CCND2: variants seen among roughly 807,000 people sequenced by gnomAD.
CCND2 encodes G1/S-specific cyclin-D2.
CCND2 carries 6 observed loss-of-function variants against 30.2 expected under a neutral mutation model. The ratio of observed to expected loss-of-function variants is 0.20; its 90% CI spans 0.11 to 0.39. The LOEUF (loss-of-function observed/expected upper bound fraction) is 0.39. Ranked by LOEUF, CCND2 falls within the 10% of genes least tolerant of loss-of-function variation. CCND2 has a pLI of 1.00. For synonymous variants in CCND2, 150 were observed against 153.1 expected (o/e 0.98, Z 0.15); for missense variants, 235 against 373.4 (o/e 0.63, Z 3.06).
At position 4,288,977 on chromosome 12, in the gene CCND2, C is replaced by A; in HGVS notation, c.707C>A (p.Thr236Asn). 6.2e-7 allele frequency: 1 copy of A among 1,612,528 alleles called. No individual in the cohort carries two copies. Among genetic ancestry groups the A allele is most frequent in the Non-Finnish European group, 8.5e-7 (1 of 1,179,180 alleles). ...DALTELLAKI[T>N]NTDVDCLKAC... ...CTGACTGAGCTGCTGGCTAAGATCA[C>A]CAACACAGACGTGGTAGGTGGCCAC... Residue 236 changes from threonine to asparagine, a missense_variant, in exon 4 of 5, where the codon ACC becomes AAC. By Grantham distance (65) the Thr-to-Asn change is moderately conservative (BLOSUM62 0). Coordinates refer to ENST00000261254, the MANE Select transcript of CCND2 (RefSeq NM_001759.4).
At position 4,300,025 on chromosome 12, in the gene CCND2, C is replaced by T. The variant is rs745670137; in HGVS notation, c.*16C>T. The T allele has an allele frequency of 4.0e-5, 65 of 1,609,866 alleles. No homozygotes were observed. The highest frequency in any genetic ancestry group is 6.7e-5 in the African/African-American group (5 of 74,762). On this transcript the variant is annotated 3_prime_UTR_variant, in exon 5 of 5. Transcript: ENST00000261254. ...CGACCTGTGAGGATGCCAGTTGGGC[C>T]GAAAGAGAGAGACGCGTCCATAATC... is the stretch of plus-strand genomic sequence containing the variant.
intron 3 of CCND2, among the ~76,000 whole-genome samples, chr12:4,286,224 GAAC>G (rs1864020842): frequency 6.6e-6 from 1 of 152,188 alleles, no homozygotes. Context: ...GGTTAAAGGA[GAAC>G]AACAACAGAA....
Position 4,285,733 on chromosome 12 carries a change from T to C in CCND2, c.572-3109T>C, listed in dbSNP as rs1435067432. Among the ~76,000 whole-genome samples the C allele has an allele frequency of 4.6e-5, 7 of 152,044 alleles. No individual in the cohort carries two copies. Among genetic ancestry groups the C allele is most frequent in the African/African-American group, 7.2e-5 (3 of 41,382 alleles). On this transcript the variant is annotated intron_variant, in intron 3 of 4. Transcript: ENST00000261254. The surrounding 1 kb of genome is among the most constrained non-coding windows in gnomAD (Gnocchi z 4.1). Reference sequence around the variant, plus strand: ...AGGTGGAGCTTTCCACAGTTGAGGGTGGGGGTTGGCTAATTACAGCTAGGA... The same window carrying C: ...AGGTGGAGCTTTCCACAGTTGAGGGCGGGGGTTGGCTAATTACAGCTAGGA...
chr12:4,297,570 CAAAAAA>C (rs71061177), intron 4 of CCND2, among the ~76,000 whole-genome samples: 3 of 74,786 alleles, frequency 4.0e-5, no homozygotes, highest in African/African-American at 6.2e-5. Context: ...CACTCTGTCT[CAAAAAA>C]AAAAAAAAAA....
At position 4,304,484 on chromosome 12, in the gene CCND2, G is replaced by A. The variant is rs1864290449; in HGVS notation, c.*4475G>A. On this transcript the variant is annotated 3_prime_UTR_variant, in exon 5 of 5. Coordinates refer to ENST00000261254, the MANE Select transcript of CCND2 (RefSeq NM_001759.4). The surrounding 1 kb of genome is among the most constrained non-coding windows in gnomAD (Gnocchi z 6.2). ...CAGCCATCCATTTGTGCAAAATAGG[G>A]TAAGAAGATTCAAGAGGATATTTAT... The A allele has an allele frequency of 4.3e-6, 1 of 233,522 alleles. No individual in the cohort carries two copies. Among genetic ancestry groups the A allele is most frequent in the South Asian group, 1.8e-4 (1 of 5,530 alleles). The allele number at this position is 233,522 out of a possible 1,614,324, so 14.5% of individuals were successfully genotyped here.
rs1423060706 is a variant in CCND2 at position 4,293,254 on chromosome 12, C to G, written c.720+4264C>G. On this transcript the variant is annotated intron_variant, in intron 4 of 4. Coordinates refer to ENST00000261254, the MANE Select transcript of CCND2 (RefSeq NM_001759.4). The surrounding 1 kb of genome is among the most constrained non-coding windows in gnomAD (Gnocchi z 4.9). The stretch of plus-strand genomic sequence containing the variant: ...TGACACAGTTGCACAAATTCACTAA[C>G]TAAAAAATGGAATGGAGGCTCACAG... Among the ~76,000 whole-genome samples the G allele has an allele frequency of 2.0e-5, 3 of 152,140 alleles. No individual in the cohort carries two copies. Among genetic ancestry groups the G allele is most frequent in the Non-Finnish European group, 2.9e-5 (2 of 68,042 alleles).
chr12:4,297,487 C>T (rs1216406820), intron 4 of CCND2, among the ~76,000 whole-genome samples: 1 of 140,212 alleles, frequency 7.1e-6, no homozygotes, highest in African/African-American at 2.6e-5. Context: ...AGGAGAATTG[C>T]TTGAACCCGA....
rs75618424 is a variant in CCND2 at position 4,279,811 on chromosome 12, A to G, written c.571+892A>G. ...GATGTCAGGAGTTCATGTTTTGACAATCAGAAACCTTAGGTAAAAAGCTGA... is the reference window on the plus strand; with the variant it reads ...GATGTCAGGAGTTCATGTTTTGACAGTCAGAAACCTTAGGTAAAAAGCTGA... On this transcript the variant is annotated intron_variant, in intron 3 of 4. Coordinates refer to ENST00000261254, the MANE Select transcript of CCND2 (RefSeq NM_001759.4). Among the ~76,000 whole-genome samples, 203 of 151,346 alleles carry G rather than the reference A, an allele frequency of 1.3e-3. 2 individuals are homozygous for G. The highest frequency in any genetic ancestry group is 4.7e-3 in the African/African-American group (196 of 41,416).
chr12:4,281,298 G>T (rs1306348338), intron 3 of CCND2, among the ~76,000 whole-genome samples: 3 of 152,178 alleles, frequency 2.0e-5, no homozygotes, highest in Non-Finnish European at 4.4e-5. Flanking sequence ...ATAGAATCCT[G>T]GCTGCGTGGA....
At position 4,278,860 on chromosome 12, in the gene CCND2, G is replaced by A. The variant is rs367874736; in HGVS notation, c.512G>A (p.Arg171Gln). 1.7e-5 allele frequency: 28 copies of A among 1,614,034 alleles called. No individual in the cohort carries two copies. The highest frequency in any genetic ancestry group is 1.5e-4 in the Admixed American group (9 of 60,006). The part of the protein sequence containing the change: ...EHILRKLPQQ[R>Q]EKLSLIRKHA... The stretch of plus-strand genomic sequence containing the variant: ...ATCTTGCGCAAGCTGCCCCAGCAGC[G>A]GGAGAAGCTGTCTCTGATCCGCAAG... The change falls in exon 3 of 5, where the codon CGG becomes CAG. Residue 171 changes from arginine to glutamine, a missense_variant. Arg to Gln is a conservative substitution (Grantham distance 43). This residue lies in a region of CCND2 where 178 missense variants were observed against 322.8 expected (regional missense o/e 0.55). Coordinates refer to ENST00000261254, the MANE Select transcript of CCND2 (RefSeq NM_001759.4).
At chr12:4,277,805 C>A (rs1044075821) in intron 2 of CCND2, among the ~76,000 whole-genome samples, 1 of 152,254 alleles carries the variant, frequency 6.6e-6, no homozygotes, top group African/African-American at 2.4e-5. Flanking sequence ...CATTGGCAAA[C>A]AGGCCCTGCC....
At chr12:4,297,155 C>T (rs1864181020) in intron 4 of CCND2, among the ~76,000 whole-genome samples, 1 of 107,474 alleles carries the variant, frequency 9.3e-6, no homozygotes, top group East Asian at 2.7e-4. Flanking sequence ...GCAGTTCTGA[C>T]CGTTGTCACT....
chr12:4,275,678 T>G (rs76895963), intron 1 of CCND2, among the ~76,000 whole-genome samples: 2,172 of 151,400 alleles, frequency 0.014, 22 homozygotes, highest in Non-Finnish European at 0.022. Context: ...GTGAGTGAGT[T>G]AGAGTGCGCG....
chr12:4,297,589 A>AG (rs1475218055), intron 4 of CCND2, among the ~76,000 whole-genome samples: 34 of 149,500 alleles, frequency 2.3e-4, no homozygotes, highest in African/African-American at 7.9e-4. Context: ...AAAAAAAAAA[A>AG]AAAAAAAACA....
At chr12:4,295,052 G>A (rs897406709) in intron 4 of CCND2, among the ~76,000 whole-genome samples, 5 of 152,152 alleles carry the variant, frequency 3.3e-5, no homozygotes, top group Non-Finnish European at 5.9e-5. Context: ...CATCTCCTCT[G>A]CCTTCACTTC....
rs1051141513 is a variant in CCND2 at position 4,287,029 on chromosome 12, A to C, written c.572-1813A>C. Among the ~76,000 whole-genome samples the C allele has an allele frequency of 1.3e-5, 2 of 152,188 alleles. No homozygotes were observed. Among genetic ancestry groups the C allele is most frequent in the Non-Finnish European group, 2.9e-5 (2 of 68,030 alleles). ...AAACACTCTCCTGTGACCCATGTGG[A>C]AGAGACCTACAGCAGAGCAAGAGGC... On this transcript the variant is annotated intron_variant, in intron 3 of 4. Coordinates refer to ENST00000261254, the MANE Select transcript of CCND2 (RefSeq NM_001759.4). The surrounding 1 kb of genome is among the most constrained non-coding windows in gnomAD (Gnocchi z 4.0).
In CCND2 at chr12:4,303,165, C is replaced by G. The variant is rs1864274087; in HGVS notation, c.*3156C>G. On this transcript the variant is annotated 3_prime_UTR_variant, in exon 5 of 5. Transcript: ENST00000261254. This position sits in a 1 kb window ranked among gnomAD's most constrained non-coding sequence, Gnocchi z 4.6. ...TATTTACAGTCTGTAACTTTCCACT[C>G]TTCCTGTAGTCCCGAGGCCCCTGGG... 1 of 233,398 alleles carries G rather than the reference C, an allele frequency of 4.3e-6. No homozygotes were observed. The highest frequency in any genetic ancestry group is 8.5e-6 in the Non-Finnish European group (1 of 118,122). The allele number at this position is 233,398 out of a possible 1,614,324, so 14.5% of individuals were successfully genotyped here. A position where few individuals can be genotyped will look rare whatever the true frequency, so the allele number is the denominator to read the frequency against.
At chr12:4,292,430 T>C (rs1179973590) in intron 4 of CCND2, among the ~76,000 whole-genome samples, 2 of 152,094 alleles carry the variant, frequency 1.3e-5, no homozygotes. Flanking sequence ...CTCTGTTACT[T>C]TGGGGGTTAG....
At chr12:4,281,823 G>T (rs928291156) in intron 3 of CCND2, among the ~76,000 whole-genome samples, 1 of 152,110 alleles carries the variant, frequency 6.6e-6, no homozygotes, top group Admixed American at 6.5e-5. Context: ...TGGGGCTCTG[G>T]ATTAAGATGG....
Sources: allele counts gnomAD v4.1 joint callset (sites outside exome capture counted in the v4.1 genomes callset), GRCh38; gene constraint gnomAD v4.1.1; regional missense constraint gnomAD v4.1.1; non-coding constraint Gnocchi (gnomAD v3.1); transcripts MANE v1.5; gene names NCBI Gene and HGNC (gene_info 2026-07-23, HGNC 2026-07-21).